Variants in GRID1 observed in about 807,000 individuals in gnomAD.
GRID1 encodes the protein glutamate receptor ionotropic, delta-1.
A neutral mutation model predicts 98.0 loss-of-function variants in GRID1; 28 were observed. The observed-to-expected ratio is 0.29, with a 90% CI of 0.21 to 0.39. The LOEUF is 0.39. GRID1 is among the 10% of genes least tolerant of loss of function. The pLI, the probability that GRID1 is intolerant of heterozygous loss-of-function variation, is 1.00. For missense variants in GRID1, 1,111 were observed against 1,340.5 expected (o/e 0.83, Z 2.67); for synonymous variants, 553 against 538.5 (o/e 1.03, Z -0.37).
chr10:85,735,024 G>A (rs575967182), intron 8 of GRID1, among the ~76,000 whole-genome samples: 53 of 152,270 alleles, frequency 3.5e-4, no homozygotes, highest in Non-Finnish European at 5.1e-4. Context: ...AAACGAGGCC[G>A]ATGGGCTTGA....
At chr10:85,741,248 C>T (rs890516644) in intron 8 of GRID1, among the ~76,000 whole-genome samples, 6 of 152,170 alleles carry the variant, frequency 3.9e-5, no homozygotes, top group Non-Finnish European at 7.3e-5. Context: ...TTTTCTCACT[C>T]AGTGCTGATT....
intron 4 of GRID1, among the ~76,000 whole-genome samples, chr10:86,048,047 C>T (rs916533979): frequency 1.4e-4 from 22 of 152,158 alleles, no homozygotes; most frequent in African/African-American, 5.3e-4. Context: ...CTGGCCCTGA[C>T]CTCAAGTTCA....
At chr10:86,024,593 A>AG (rs777192030) in intron 4 of GRID1, among the ~76,000 whole-genome samples, 40 of 152,192 alleles carry the variant, frequency 2.6e-4, no homozygotes, top group Admixed American at 4.6e-4. Context: ...CCATAAGATG[A>AG]GCAGATCTGA....
chr10:85,868,710 C>T (rs577064349), intron 6 of GRID1, among the ~76,000 whole-genome samples: 1 of 152,298 alleles, frequency 6.6e-6, no homozygotes, highest in African/African-American at 2.4e-5. Context: ...AACACATTCC[C>T]ACAAAGAAGT....
At chr10:86,039,198 A>C (rs1005908169) in intron 4 of GRID1, among the ~76,000 whole-genome samples, 3 of 151,654 alleles carry the variant, frequency 2.0e-5, no homozygotes. Context: ...GTCATTCCTC[A>C]CTCCTAACCT....
chr10:86,174,276 A>G (rs1224871784), intron 3 of GRID1, among the ~76,000 whole-genome samples: 1 of 152,104 alleles, frequency 6.6e-6, no homozygotes, highest in Non-Finnish European at 1.5e-5. Context: ...ACAGCATGGT[A>G]CTGGTACCAA....
chr10:85,922,724 G>T (rs1309759614), intron 4 of GRID1, among the ~76,000 whole-genome samples: 1 of 152,218 alleles, frequency 6.6e-6, no homozygotes, highest in East Asian at 1.9e-4. Context: ...TGCAAGGAAG[G>T]GGTGTAGCTA....
chr10:85,909,443 C>T (rs1406306326), intron 5 of GRID1, among the ~76,000 whole-genome samples: 2 of 152,172 alleles, frequency 1.3e-5, no homozygotes, highest in Non-Finnish European at 2.9e-5. Context: ...AAGACTTATA[C>T]ATAAATGTTC....
chr10:85,685,050 A>G (rs975096865), intron 12 of GRID1, among the ~76,000 whole-genome samples: 1 of 152,186 alleles, frequency 6.6e-6, no homozygotes, highest in African/African-American at 2.4e-5. Context: ...AGTCTACAGC[A>G]CCCATGATAG....
intron 12 of GRID1, among the ~76,000 whole-genome samples, chr10:85,695,677 C>A (rs1201840938): frequency 2.6e-5 from 4 of 152,100 alleles, no homozygotes; most frequent in Non-Finnish European, 5.9e-5. Flanking sequence ...GATGTCCTGT[C>A]AACGCTTTGC....
chr10:86,130,087 C>T (rs913099361), intron 4 of GRID1, among the ~76,000 whole-genome samples: 19 of 152,236 alleles, frequency 1.2e-4, no homozygotes, highest in Admixed American at 1.2e-3. Context: ...ACCAGCCAGC[C>T]CAGATGCATG....
chr10:86,262,148 A>C (rs1380221993), intron 2 of GRID1, among the ~76,000 whole-genome samples: 1 of 152,238 alleles, frequency 6.6e-6, no homozygotes, highest in Admixed American at 6.5e-5. Flanking sequence ...AGGAGGAAGC[A>C]GGGGAAGAAA....
At chr10:86,164,491 G>A (rs1382491581) in intron 3 of GRID1, among the ~76,000 whole-genome samples, 1 of 152,202 alleles carries the variant, frequency 6.6e-6, no homozygotes, top group East Asian at 1.9e-4. Flanking sequence ...GCAGCCTGCT[G>A]AGCACAGTCT....
intron 2 of GRID1, among the ~76,000 whole-genome samples, chr10:86,298,177 A>C (rs963298649): frequency 9.2e-5 from 14 of 152,254 alleles, no homozygotes; most frequent in Non-Finnish European, 1.9e-4. Context: ...AAATAAATTA[A>C]AGAACATCAA....
At chr10:85,842,519 AAAT>A (rs1842970442) in intron 8 of GRID1, among the ~76,000 whole-genome samples, 2 of 152,104 alleles carry the variant, frequency 1.3e-5, no homozygotes, top group Non-Finnish European at 2.9e-5. Flanking sequence ...AGACTAACAA[AAAT>A]AATAATAAAG....
chr10:86,295,756 C>A (rs1490079524), intron 2 of GRID1, among the ~76,000 whole-genome samples: 3 of 152,106 alleles, frequency 2.0e-5, no homozygotes, highest in Admixed American at 6.5e-5. Flanking sequence ...TCCATATCCC[C>A]AGCATCTAAC....
chr10:85,774,953 T>C (rs1842314438), intron 8 of GRID1, among the ~76,000 whole-genome samples: 1 of 151,794 alleles, frequency 6.6e-6, no homozygotes, highest in South Asian at 2.1e-4. Flanking sequence ...AAATACCATT[T>C]GACCCAGCCA....
chr10:85,898,548 A>T (rs903367824), intron 5 of GRID1, among the ~76,000 whole-genome samples: 2 of 152,046 alleles, frequency 1.3e-5, no homozygotes, highest in African/African-American at 4.8e-5. Context: ...TATACAAAAT[A>T]TTGTTTTCTT....
intron 3 of GRID1, among the ~76,000 whole-genome samples, chr10:86,175,949 T>G (rs1181708956): frequency 1.3e-5 from 2 of 152,170 alleles, no homozygotes; most frequent in South Asian, 2.1e-4. Context: ...CTTCAGGTGA[T>G]CTGCCTGCCT....
Sources: gnomAD v4.1 joint callset for allele counts (sites outside exome capture counted in the v4.1 genomes callset) on GRCh38, gnomAD v4.1.1 for gene constraint, MANE v1.5 for transcripts, NCBI Gene and HGNC (gene_info 2026-07-23, HGNC 2026-07-21) for gene names.